SPOCK3: variants seen among roughly 807,000 people sequenced by gnomAD.
SPOCK3 encodes SPARC (osteonectin), cwcv and kazal like domains proteoglycan 3, also known as testican-3.
SPOCK3 carries 30 observed loss-of-function variants against 56.6 expected under a neutral mutation model. That is an observed-to-expected ratio of 0.53 (90% CI 0.40 to 0.72). SPOCK3 has a LOEUF of 0.72. Among genes scored for constraint, SPOCK3 ranks in the 30% least tolerant of loss-of-function variants. SPOCK3 has a pLI of 0.00. For synonymous variants in SPOCK3, 196 were observed against 183.3 expected (o/e 1.07, Z -0.56); for missense variants, 527 against 530.0 (o/e 0.99, Z 0.06).
In SPOCK3 at chr4:167,189,069, T is replaced by A. The variant is rs189442229; in HGVS notation, c.189+44916A>T. Among the ~76,000 whole-genome samples, 23 of 146,054 alleles carry A rather than the reference T, an allele frequency of 1.6e-4. 3 individuals are homozygous for A. Among genetic ancestry groups the A allele is most frequent in the Admixed American group, 1.4e-3 (20 of 14,258 alleles). ...TCAAATAAAGAAAAGAAGGAAGCAT[T>A]TTCCAAGTCATTTTATGAAGTTAAC... On this transcript the variant is annotated intron_variant, in intron 2 of 10. Transcript: ENST00000357545.
At chr4:167,069,127 T>C (rs745669732) in intron 2 of SPOCK3, among the ~76,000 whole-genome samples, 7 of 151,878 alleles carry the variant, frequency 4.6e-5, no homozygotes, top group African/African-American at 1.7e-4. Flanking sequence ...TACTTACTCA[T>C]AACAAAAGAT....
chr4:166,771,689 C>T (rs980028715), intron 7 of SPOCK3, among the ~76,000 whole-genome samples: 17 of 152,044 alleles, frequency 1.1e-4, no homozygotes, highest in African/African-American at 3.9e-4. Flanking sequence ...TAGAAACATT[C>T]TTTTATATTG....
At chr4:167,215,644 G>A (rs1033186118) in intron 2 of SPOCK3, among the ~76,000 whole-genome samples, 1 of 152,124 alleles carries the variant, frequency 6.6e-6, no homozygotes, top group Non-Finnish European at 1.5e-5. Flanking sequence ...ACAAGGATCC[G>A]AAAGCAAATA....
At chr4:166,930,023 T>C (rs946804491) in intron 4 of SPOCK3, among the ~76,000 whole-genome samples, 2 of 152,160 alleles carry the variant, frequency 1.3e-5, no homozygotes, top group Non-Finnish European at 1.5e-5. Flanking sequence ...AAATGAACCA[T>C]GATGTAGAGT....
Position 166,735,085 on chromosome 4 carries a change from C to T in SPOCK3, c.1138G>A (p.Asp380Asn). ...RINGVADCAI[D>N]FEISGDFASG... ...GCAAAATCTCCGGAGATCTCAAAATCTATAGCTTAAAACAAGTGAAAGTAA... is the reference window on the plus strand; with the variant it reads ...GCAAAATCTCCGGAGATCTCAAAATTTATAGCTTAAAACAAGTGAAAGTAA... Residue 380 changes from aspartate (D) to asparagine (N), a missense_variant, in exon 11 of 11, where the codon GAT becomes AAT. Asp to Asn is a conservative substitution (Grantham distance 23). Coordinates refer to ENST00000357545, the MANE Select transcript of SPOCK3 (RefSeq NM_001040159.2). 6.3e-7 allele frequency: 1 copy of T among 1,596,878 alleles called. No homozygotes were observed. The highest frequency in any genetic ancestry group is 8.5e-7 in the Non-Finnish European group (1 of 1,169,888).
intron 6 of SPOCK3, among the ~76,000 whole-genome samples, chr4:166,824,972 C>T (rs560921071): frequency 5.0e-4 from 76 of 152,110 alleles, no homozygotes; most frequent in African/African-American, 1.7e-3. Flanking sequence ...ATTAGTCTCC[C>T]GTAAGAATGG....
chr4:167,192,779 A>C (rs1732586393), intron 2 of SPOCK3, among the ~76,000 whole-genome samples: 1 of 145,566 alleles, frequency 6.9e-6, no homozygotes, highest in Admixed American at 7.1e-5. Context: ...TGCCTCCCGT[A>C]ACTTTTGATA....
At position 166,811,102 on chromosome 4, in the gene SPOCK3, A is replaced by G. The variant is rs566202014; in HGVS notation, c.590-18813T>C. Among the ~76,000 whole-genome samples the G allele has an allele frequency of 4.3e-4, 66 of 151,910 alleles. 1 individual carries two copies. In the South Asian group the frequency reaches 0.013, roughly 30 times the overall value. On this transcript the variant is annotated intron_variant, in intron 6 of 10. Coordinates refer to ENST00000357545, the MANE Select transcript of SPOCK3 (RefSeq NM_001040159.2). ...TGTATTATCCTCTTCTCTATAAACG[A>G]TTATTCATTTGTGCATTTCTTCTAT...
chr4:167,183,202 C>CCCAGCCCAGT (rs1157682726), intron 2 of SPOCK3, among the ~76,000 whole-genome samples: 1 of 152,090 alleles, frequency 6.6e-6, no homozygotes, highest in Non-Finnish European at 1.5e-5. Flanking sequence ...AAACATTCAG[C>CCCAGCCCAGT]CCAGCCCAGT....
chr4:166,803,122 G>A (rs1742794918), intron 6 of SPOCK3, among the ~76,000 whole-genome samples: 1 of 152,138 alleles, frequency 6.6e-6, no homozygotes, highest in African/African-American at 2.4e-5. Context: ...TTCAGTCTGA[G>A]TGTGCTCTAT....
intron 2 of SPOCK3, among the ~76,000 whole-genome samples, chr4:167,159,570 G>T (rs563138032): frequency 6.6e-6 from 1 of 151,974 alleles, no homozygotes; most frequent in Non-Finnish European, 1.5e-5. Context: ...TACCAAAGCC[G>T]GGCAGAGACA....
intron 5 of SPOCK3, among the ~76,000 whole-genome samples, chr4:166,910,891 T>C (rs985471990): frequency 6.6e-6 from 1 of 152,166 alleles, no homozygotes; most frequent in Non-Finnish European, 1.5e-5. Flanking sequence ...CAGATAAAAT[T>C]AGGATTAAAA....
At chr4:167,078,032 G>A (rs559080692) in intron 2 of SPOCK3, among the ~76,000 whole-genome samples, 17 of 151,960 alleles carry the variant, frequency 1.1e-4, no homozygotes, top group African/African-American at 4.1e-4. Context: ...TCTATAGAGA[G>A]TCATGGTAGC....
intron 8 of SPOCK3, among the ~76,000 whole-genome samples, chr4:166,751,195 C>T (rs1386053040): frequency 6.6e-6 from 1 of 152,156 alleles, no homozygotes; most frequent in Non-Finnish European, 1.5e-5. Flanking sequence ...AATTCCAAAT[C>T]CTCCATATTT....
intron 4 of SPOCK3, among the ~76,000 whole-genome samples, chr4:166,946,442 T>C (rs1741759242): frequency 6.6e-6 from 1 of 152,226 alleles, no homozygotes; most frequent in African/African-American, 2.4e-5. Flanking sequence ...CTTCTTGCTG[T>C]TCCATGAGCA....
At chr4:167,205,318 A>ATATCTATAATATATATTATAGAT (rs1734014271) in intron 2 of SPOCK3, among the ~76,000 whole-genome samples, 2 of 48,550 alleles carry the variant, frequency 4.1e-5, no homozygotes, top group African/African-American at 9.2e-5. Flanking sequence ...TATATATTTT[A>ATATCTATAATATATATTATAGAT]TATATATAAT....
At chr4:166,906,336 T>C (rs1736603061) in intron 5 of SPOCK3, among the ~76,000 whole-genome samples, 1 of 152,042 alleles carries the variant, frequency 6.6e-6, no homozygotes, top group Non-Finnish European at 1.5e-5. Flanking sequence ...TTGGCCACTT[T>C]TTTAAAAATT....
At chr4:167,110,128 G>A (rs1760777430) in intron 2 of SPOCK3, among the ~76,000 whole-genome samples, 1 of 151,976 alleles carries the variant, frequency 6.6e-6, no homozygotes, top group Non-Finnish European at 1.5e-5. Flanking sequence ...AAGCACTCAG[G>A]CAAGAAAGCT....
At chr4:167,027,241 T>A (rs1751776885) in intron 3 of SPOCK3, among the ~76,000 whole-genome samples, 1 of 152,028 alleles carries the variant, frequency 6.6e-6, no homozygotes, top group Admixed American at 6.6e-5. Context: ...CTGCTTGTTC[T>A]AAAATGTTTC....
Sources: allele counts gnomAD v4.1 joint callset (sites outside exome capture counted in the v4.1 genomes callset), GRCh38; gene constraint gnomAD v4.1.1; transcripts MANE v1.5; gene names NCBI Gene and HGNC (gene_info 2026-07-23, HGNC 2026-07-21).